CENPP: variants seen among roughly 807,000 people sequenced by gnomAD.
The protein encoded by CENPP is centromere protein P.
Under a neutral mutation model 35.6 loss-of-function variants are expected in CENPP, and 24 were observed. That is an observed-to-expected ratio of 0.67 (90% CI 0.49 to 0.95). The LOEUF is 0.95. CENPP is among the 40% of genes least tolerant of loss of function. The pLI, the probability that CENPP is intolerant of heterozygous loss-of-function variation, is 0.00. For missense variants in CENPP, 332 were observed against 345.3 expected (o/e 0.96, Z 0.31); for synonymous variants, 120 against 125.5 (o/e 0.96, Z 0.29).
chr9:92,359,762 A>C (rs1210046328), intron 4 of CENPP, among the ~76,000 whole-genome samples: 2 of 151,210 alleles, frequency 1.3e-5, no homozygotes, highest in Non-Finnish European at 2.9e-5. Flanking sequence ...AACAAAACAC[A>C]GATCCTTTAT....
At chr9:92,485,311 C>T (rs1846029584) in intron 5 of CENPP, among the ~76,000 whole-genome samples, 1 of 152,076 alleles carries the variant, frequency 6.6e-6, no homozygotes, top group Non-Finnish European at 1.5e-5. Flanking sequence ...TTATTTTTGC[C>T]TCATTGAGCC....
intron 5 of CENPP, among the ~76,000 whole-genome samples, chr9:92,441,827 G>A (rs1192771016): frequency 6.6e-6 from 1 of 152,138 alleles, no homozygotes; most frequent in Non-Finnish European, 1.5e-5. Flanking sequence ...GCCTTATGTG[G>A]ATACTGACTC....
At chr9:92,479,834 C>T (rs1845849358) in intron 5 of CENPP, among the ~76,000 whole-genome samples, 1 of 152,126 alleles carries the variant, frequency 6.6e-6, no homozygotes, top group Non-Finnish European at 1.5e-5. Flanking sequence ...TGCTGGGTCT[C>T]TTCCACTGCT....
intron 5 of CENPP, among the ~76,000 whole-genome samples, chr9:92,485,329 A>G (rs1260271900): frequency 1.3e-5 from 2 of 152,192 alleles, no homozygotes; most frequent in Non-Finnish European, 2.9e-5. Flanking sequence ...GCCTTAGTCT[A>G]AATATTGAAG....
chr9:92,342,157 TC>T (rs1183267775), intron 3 of CENPP, among the ~76,000 whole-genome samples: 1 of 152,264 alleles, frequency 6.6e-6, no homozygotes, highest in African/African-American at 2.4e-5. Flanking sequence ...CCTCGCCTGT[TC>T]TTTTAAAGGA....
At chr9:92,531,113 GTTTATA>G (rs1413638933) in intron 5 of CENPP, among the ~76,000 whole-genome samples, 1 of 151,958 alleles carries the variant, frequency 6.6e-6, no homozygotes, top group Non-Finnish European at 1.5e-5. Flanking sequence ...CATTTAGGCT[GTTTATA>G]TTTAATGTAA....
At chr9:92,587,244 C>T (rs1335094319) in intron 5 of CENPP, among the ~76,000 whole-genome samples, 1 of 152,014 alleles carries the variant, frequency 6.6e-6, no homozygotes, top group Non-Finnish European at 1.5e-5. Flanking sequence ...CCGAGGCAGG[C>T]GAATCACCTG....
At chr9:92,449,435 T>C (rs1844638111) in intron 5 of CENPP, among the ~76,000 whole-genome samples, 2 of 50,994 alleles carry the variant, frequency 3.9e-5, no homozygotes, top group African/African-American at 8.1e-5. Context: ...AGACTCTATC[T>C]CCAAAAAAAA....
chr9:92,437,610 A>G (rs906842193), intron 5 of CENPP, among the ~76,000 whole-genome samples: 5 of 151,510 alleles, frequency 3.3e-5, no homozygotes, highest in African/African-American at 7.3e-5. Context: ...GGGTTTCGCC[A>G]TGTTGCCCAA....
chr9:92,599,963 T>TGGTC (rs1017593272), intron 5 of CENPP, among the ~76,000 whole-genome samples: 1 of 152,210 alleles, frequency 6.6e-6, no homozygotes, highest in Non-Finnish European at 1.5e-5. Flanking sequence ...CCACCTCCCC[T>TGGTC]GGTCTTTCCT....
chr9:92,603,314 C>A (rs1037258057), intron 5 of CENPP, among the ~76,000 whole-genome samples: 3 of 152,236 alleles, frequency 2.0e-5, no homozygotes, highest in African/African-American at 7.2e-5. Flanking sequence ...TGTGAAGAAC[C>A]TAGACCAGTG....
At chr9:92,543,196 G>A (rs546046088) in intron 5 of CENPP, among the ~76,000 whole-genome samples, 1 of 152,312 alleles carries the variant, frequency 6.6e-6, no homozygotes, top group East Asian at 1.9e-4. Flanking sequence ...ATTGGTGCCA[G>A]CCTCGTGGCT....
At position 92,620,136 on chromosome 9, in the gene CENPP, T is replaced by TACAG. The variant is rs2131416826; in HGVS notation, c.*6991_*6994dup. The TACAG allele has an allele frequency of 6.4e-6, 1 of 156,834 alleles. No homozygotes were observed. Among genetic ancestry groups the TACAG allele is most frequent in the Non-Finnish European group, 1.4e-5 (1 of 70,374 alleles). The allele number at this position is 156,834 out of a possible 1,614,324, so 9.7% of individuals were successfully genotyped here. A position where few individuals can be genotyped will look rare whatever the true frequency, so the allele number is the denominator to read the frequency against. On this transcript the variant is annotated 3_prime_UTR_variant, in exon 8 of 8. Coordinates refer to ENST00000375587, the MANE Select transcript of CENPP (RefSeq NM_001012267.3). Reference sequence around the variant, plus strand: ...GGGCAGCACGGCCGGCGTCCCACTTTACAGACAAGCAACAGACACAGACAT... The same window carrying TACAG: ...GGGCAGCACGGCCGGCGTCCCACTTTACAGACAGACAAGCAACAGACACAGACAT...
At chr9:92,338,685 G>T (rs1204556159) in intron 3 of CENPP, among the ~76,000 whole-genome samples, 1 of 152,022 alleles carries the variant, frequency 6.6e-6, no homozygotes, top group African/African-American at 2.4e-5. Flanking sequence ...AGGGAGGGCT[G>T]ACTATATTTA....
chr9:92,368,449 G>A (rs1431938827), intron 4 of CENPP, among the ~76,000 whole-genome samples: 2 of 152,280 alleles, frequency 1.3e-5, no homozygotes, highest in South Asian at 2.1e-4. Flanking sequence ...TAGCTTCAAA[G>A]CAGCTTCATG....
intron 4 of CENPP, among the ~76,000 whole-genome samples, chr9:92,352,338 C>T (rs575494041): frequency 6.7e-6 from 1 of 149,918 alleles, no homozygotes; most frequent in South Asian, 2.1e-4. Context: ...CCACTGCACT[C>T]CTCTGGGTGA....
chr9:92,551,928 T>TATATATATATATATATATATATATG (rs1382216710), intron 5 of CENPP, among the ~76,000 whole-genome samples: 1 of 53,510 alleles, frequency 1.9e-5, no homozygotes, highest in African/African-American at 1.0e-4. Context: ...TGTGTGTGTA[T>TATATATATATATATATATATATATG]ATATATATAT....
At chr9:92,446,018 T>A (rs923597957) in intron 5 of CENPP, among the ~76,000 whole-genome samples, 1 of 152,216 alleles carries the variant, frequency 6.6e-6, no homozygotes, top group Non-Finnish European at 1.5e-5. Context: ...TACTTTCGCT[T>A]CTGTCATAAA....
At chr9:92,517,613 A>G in intron 5 of CENPP, 1 of 1,591,132 alleles carries the variant, frequency 6.3e-7, no homozygotes, top group African/African-American at 1.3e-5. Flanking sequence ...TTTTAATCTA[A>G]AATTAGTAAC....
Sources: gnomAD v4.1 joint callset for allele counts (sites outside exome capture counted in the v4.1 genomes callset) on GRCh38, gnomAD v4.1.1 for gene constraint, MANE v1.5 for transcripts, NCBI Gene and HGNC (gene_info 2026-07-23, HGNC 2026-07-21) for gene names.